Variants in ZWILCH observed in about 807,000 individuals in gnomAD.
ZWILCH encodes the protein zwilch kinetochore protein.
A neutral mutation model predicts 79.9 loss-of-function variants in ZWILCH; 74 were observed. The ratio of observed to expected loss-of-function variants is 0.93; its 90% CI spans 0.77 to 1.12. The LOEUF is 1.12. Ranked by LOEUF, ZWILCH falls within the 50% of genes most tolerant of loss-of-function variation. The pLI, the probability that ZWILCH is intolerant of heterozygous loss-of-function variation, is 0.00. For synonymous variants in ZWILCH, 241 were observed against 228.2 expected, an observed-to-expected ratio of 1.06 and a Z score of -0.51; for missense variants, 694 against 687.5, an observed-to-expected ratio of 1.01 and a Z score of -0.11.
intron 4 of ZWILCH, among the ~76,000 whole-genome samples, chr15:66,518,206 A>G (rs1222036088): frequency 6.6e-6 from 1 of 151,630 alleles, no homozygotes; most frequent in Non-Finnish European, 1.5e-5. Context: ...TGCCTGGTGA[A>G]TCTATTAATG....
chr15:66,526,550 C>A (rs1172495501), intron 8 of ZWILCH, among the ~76,000 whole-genome samples: 1 of 152,036 alleles, frequency 6.6e-6, no homozygotes, highest in African/African-American at 2.4e-5. Flanking sequence ...AGCTCCACCT[C>A]CTGGGTTCAC....
At chr15:66,544,954 G>A (rs907483503) in intron 17 of ZWILCH, among the ~76,000 whole-genome samples, 1 of 151,556 alleles carries the variant, frequency 6.6e-6, no homozygotes, top group Non-Finnish European at 1.5e-5. Context: ...ATGTTGGTCA[G>A]GCTGGTCTCA....
intron 4 of ZWILCH, among the ~76,000 whole-genome samples, chr15:66,517,417 C>CGTGTGTGTGT (rs141565295): frequency 0.28 from 22,576 of 80,726 alleles, 4,255 homozygotes; most frequent in South Asian, 0.4. Context: ...TTTGTGTGTG[C>CGTGTGTGTGT]GTGTGTGTGT....
chr15:66,528,207 G>A (rs1200403624), intron 10 of ZWILCH, among the ~76,000 whole-genome samples: 2 of 152,264 alleles, frequency 1.3e-5, no homozygotes, highest in East Asian at 1.9e-4. Flanking sequence ...GGGCTCAAGC[G>A]ATCCTCCCAC....
chr15:66,516,294 CTT>C (rs1011714217), intron 4 of ZWILCH, among the ~76,000 whole-genome samples: 5 of 152,310 alleles, frequency 3.3e-5, no homozygotes, highest in Non-Finnish European at 5.9e-5. Flanking sequence ...TCCAGCTTCA[CTT>C]CCTGCCTCCC....
intron 2 of ZWILCH, among the ~76,000 whole-genome samples, chr15:66,510,658 C>G (rs1324478499): frequency 1.3e-5 from 2 of 152,190 alleles, no homozygotes; most frequent in African/African-American, 2.4e-5. Context: ...AAAATTTATT[C>G]TCTCCCAGTT....
Position 66,532,440 on chromosome 15 carries a change from C to T in ZWILCH, c.1312+37C>T, listed in dbSNP as rs201969350. On this transcript the variant is annotated intron_variant, in intron 13 of 18. Transcript: ENST00000307897. ...TCCTGGCTCAAAAAATTAAAAAACA[C>T]ATCACAGTTATCAGTCACAGATATT... 1.2e-5 allele frequency: 18 copies of T among 1,553,606 alleles called. No homozygotes were observed. The African/African-American group carries it at 2.2e-4, about 19-fold the overall frequency.
At position 66,515,528 on chromosome 15, in the gene ZWILCH, T is replaced by C; in HGVS notation, c.204T>C (p.Pro68=). The change falls in exon 4 of 19, where the codon CCT becomes CCC. Residue 68 remains proline, a splice_region_variant and synonymous_variant. Coordinates refer to ENST00000307897, the MANE Select transcript of ZWILCH (RefSeq NM_017975.5). ...NDIVFIVEKV[P]LEKEETSHIE... ...AATAATTAAGAACATTTTTAAAGCC[T>C]TTAGAAAAGGAAGAAACAAGTCATA... is the stretch of plus-strand genomic sequence containing the variant. The C allele has an allele frequency of 6.3e-7, 1 of 1,594,458 alleles. No individual in the cohort carries two copies. Among genetic ancestry groups the C allele is most frequent in the Non-Finnish European group, 8.6e-7 (1 of 1,167,010 alleles).
chr15:66,505,957 T>G (rs936246471), intron 1 of ZWILCH, among the ~76,000 whole-genome samples: 7 of 152,222 alleles, frequency 4.6e-5, no homozygotes, highest in East Asian at 1.9e-4. Context: ...TGTAAAAATC[T>G]AATCCATAGT....
rs145727647 is a variant in ZWILCH at position 66,529,515 on chromosome 15, T to C, written c.1097T>C (p.Leu366Ser). The C allele has an allele frequency of 9.9e-6, 16 of 1,613,920 alleles. No individual in the cohort carries two copies. The African/African-American group carries it at 2.0e-4, about 20-fold the overall frequency. Residue 366 changes from leucine to serine, a missense_variant, in exon 12 of 19, where the codon TTG becomes TCG. Physicochemically the swap from Leu to Ser is moderately radical, Grantham distance 145 (BLOSUM62 -2). Transcript: ENST00000307897. The stretch of plus-strand genomic sequence containing the variant: ...CAAGGTGTGATTTCATACCAAGACT[T>C]GGTGAAGTGTTTCACATTGATCATC... ...MSSSVISYQDLVKCFTLIIQS... is the reference protein window; with the variant it reads ...MSSSVISYQDSVKCFTLIIQS...
At chr15:66,543,807 T>C (rs547354957) in intron 17 of ZWILCH, among the ~76,000 whole-genome samples, 2 of 152,110 alleles carry the variant, frequency 1.3e-5, no homozygotes, top group Non-Finnish European at 2.9e-5. Context: ...TCAGAATCTC[T>C]GGGAGTACAG....
intron 2 of ZWILCH, among the ~76,000 whole-genome samples, chr15:66,509,838 T>C (rs1410534186): frequency 0.029 from 1,930 of 65,710 alleles, 119 homozygotes; most frequent in African/African-American, 0.094. Flanking sequence ...TATATATATA[T>C]ATATATATAT....
chr15:66,533,727 C>T (rs934935008), intron 14 of ZWILCH, among the ~76,000 whole-genome samples: 25 of 151,564 alleles, frequency 1.6e-4, no homozygotes, highest in African/African-American at 5.4e-4. Flanking sequence ...CACACACACA[C>T]GCGCACACAC....
chr15:66,546,753 G>A, intron 18 of ZWILCH, 48 bp downstream of exon 18: 1 of 1,017,132 alleles, frequency 9.8e-7, no homozygotes. Context: ...TTTGTAATAA[G>A]TACCTTACGT....
At chr15:66,509,845 ATATATATATATATATATATATATATC>A (rs1235905145) in intron 2 of ZWILCH, among the ~76,000 whole-genome samples, 33 of 77,238 alleles carry the variant, frequency 4.3e-4, no homozygotes, top group Non-Finnish European at 5.5e-4. Flanking sequence ...ATATATATAT[ATATATATATATATATATATATATATC>A]TCTTAAAAAT....
chr15:66,517,417 C>CAT (rs1555424237), intron 4 of ZWILCH, among the ~76,000 whole-genome samples: 2 of 80,782 alleles, frequency 2.5e-5, no homozygotes, highest in Non-Finnish European at 2.4e-5. Context: ...TTTGTGTGTG[C>CAT]GTGTGTGTGT....
At chr15:66,527,835 A>G in intron 9 of ZWILCH, 22 bp from the exon 10 acceptor site, 1 of 1,590,292 alleles carries the variant, frequency 6.3e-7, no homozygotes, top group Non-Finnish European at 8.5e-7. Context: ...TCAAGAGCTA[A>G]TAAACTTTTG....
chr15:66,520,701 G>C, intron 6 of ZWILCH, 41 bp downstream of exon 6: 1 of 1,309,544 alleles, frequency 7.6e-7, no homozygotes, highest in Non-Finnish European at 1.1e-6. Flanking sequence ...TCTTCAAATT[G>C]TTGTCAACCT....
chr15:66,505,607 A>G (rs1893783297), intron 1 of ZWILCH: 3 of 572,640 alleles, frequency 5.2e-6, no homozygotes, highest in African/African-American at 1.9e-5. Context: ...TACGTCATCA[A>G]ACGAGATGGA....
Sources: allele counts gnomAD v4.1 joint callset (sites outside exome capture counted in the v4.1 genomes callset), GRCh38; gene constraint gnomAD v4.1.1; transcripts MANE v1.5; gene names NCBI Gene and HGNC (gene_info 2026-07-23, HGNC 2026-07-21).